The following HIVEP3 variants were observed in gnomAD, a reference collection of about 807,000 sequenced individuals.
HIVEP3 encodes HIVEP zinc finger 3.
HIVEP3 carries 49 observed loss-of-function variants against 152.8 expected under a neutral mutation model. That is an observed-to-expected ratio of 0.32 (90% CI 0.26 to 0.41). The LOEUF (loss-of-function observed/expected upper bound fraction) is 0.41, where lower values mean the gene tolerates loss of function less well. HIVEP3 is among the 10% of genes least tolerant of loss of function. The pLI, the probability that HIVEP3 is intolerant of heterozygous loss-of-function variation, is 1.00. For missense variants in HIVEP3, 2,790 were observed against 3,103.3 expected (o/e 0.90, Z 2.40); for synonymous variants, 1,269 against 1,289.0 (o/e 0.98, Z 0.33).
chr1:41,748,487 G>A (rs1263812430), intron 1 of HIVEP3, among the ~76,000 whole-genome samples: 1 of 152,164 alleles, frequency 6.6e-6, no homozygotes, highest in African/African-American at 2.4e-5. Context: ...AGCAATCAGG[G>A]GGCAGCGCTG....
At chr1:41,806,641 A>G (rs768786859) in intron 1 of HIVEP3, among the ~76,000 whole-genome samples, 1 of 152,208 alleles carries the variant, frequency 6.6e-6, no homozygotes, top group Non-Finnish European at 1.5e-5. Context: ...CCGTCCCAGC[A>G]CCATGATGAG....
In HIVEP3 at chr1:41,584,832, G is replaced by A. The variant is rs772428531; in HGVS notation, c.-35C>T. On this transcript the variant is annotated 5_prime_UTR_variant, in exon 4 of 9. Transcript: ENST00000372583. This position sits in a 1 kb window ranked among gnomAD's most constrained non-coding sequence, Gnocchi z 5.2. ...AAAGACTTCAGATGCTATTCAGGGA[G>A]AGTCAGGGCGGGCTGCATTTATGAA... 9.6e-6 allele frequency: 14 copies of A among 1,464,872 alleles called. No homozygotes were observed. The South Asian group carries it at 1.1e-4, about 11-fold the overall frequency. 90.7% of individuals were successfully genotyped at this position (1,464,872 alleles called of 1,614,324 possible).
At chr1:41,532,085 T>G (rs1569785979) in intron 5 of HIVEP3, among the ~76,000 whole-genome samples, 3 of 83,952 alleles carry the variant, frequency 3.6e-5, no homozygotes, top group African/African-American at 1.5e-4. Flanking sequence ...ACAGGAGAGA[T>G]GGAAGACGGG....
intron 1 of HIVEP3, among the ~76,000 whole-genome samples, chr1:41,979,429 G>A (rs1645282689): frequency 6.6e-6 from 1 of 152,150 alleles, no homozygotes; most frequent in Non-Finnish European, 1.5e-5. Context: ...GTTCAAAGAG[G>A]CTTAGTCACT....
At chr1:41,526,981 C>T in intron 5 of HIVEP3, among the ~76,000 whole-genome samples, 1 of 113,394 alleles carries the variant, frequency 8.8e-6, no homozygotes, top group Non-Finnish European at 1.8e-5. Flanking sequence ...CTCACCTTCA[C>T]ACTCCACACC....
intron 1 of HIVEP3, among the ~76,000 whole-genome samples, chr1:41,763,605 T>C (rs1057404816): frequency 1.3e-5 from 2 of 152,354 alleles, no homozygotes; most frequent in Admixed American, 6.5e-5. Context: ...GGCTACTATT[T>C]CTACTTATCA....
intron 1 of HIVEP3, among the ~76,000 whole-genome samples, chr1:41,849,898 C>T (rs866829205): frequency 1.6e-4 from 24 of 152,194 alleles, no homozygotes; most frequent in Middle Eastern, 3.4e-3. Context: ...ACCATGTTGG[C>T]CAGGCTGGTC....
chr1:41,554,389 A>C (rs539219708), intron 5 of HIVEP3, among the ~76,000 whole-genome samples: 1 of 152,328 alleles, frequency 6.6e-6, no homozygotes, highest in South Asian at 2.1e-4. Flanking sequence ...CCATTCGTCT[A>C]ATCTTTTTTC....
At chr1:42,025,579 C>T (rs1645577325) in intron 1 of HIVEP3, among the ~76,000 whole-genome samples, 1 of 152,198 alleles carries the variant, frequency 6.6e-6, no homozygotes, top group African/African-American at 2.4e-5. Flanking sequence ...TTTGTTATTT[C>T]TGACTGTACT....
intron 1 of HIVEP3, among the ~76,000 whole-genome samples, chr1:41,973,757 A>G (rs1207890150): frequency 1.3e-5 from 2 of 152,216 alleles, no homozygotes; most frequent in Non-Finnish European, 2.9e-5. Flanking sequence ...AGGAAACAGC[A>G]TAGGAGCCAG....
intron 1 of HIVEP3, among the ~76,000 whole-genome samples, chr1:41,712,092 A>G (rs1646522130): frequency 6.6e-6 from 1 of 152,188 alleles, no homozygotes; most frequent in African/African-American, 2.4e-5. Context: ...AGGTCCGGGG[A>G]GGAGAGCACT....
chr1:41,761,377 C>G (rs1029376719), intron 1 of HIVEP3, among the ~76,000 whole-genome samples: 10 of 151,562 alleles, frequency 6.6e-5, no homozygotes, highest in African/African-American at 2.4e-4. Context: ...TGTGTGTGTG[C>G]ATGTGTGAGT....
chr1:41,737,148 C>T (rs191172919), intron 1 of HIVEP3, among the ~76,000 whole-genome samples: 1 of 152,290 alleles, frequency 6.6e-6, no homozygotes, highest in African/African-American at 2.4e-5. Context: ...ATCTAATTGG[C>T]CAGGGTTTGA....
rs570988631 is a variant in HIVEP3, at chr1:41,950,178, G to A, written n.120-31654C>T. Among the ~76,000 whole-genome samples, 13 of 152,246 alleles carry A rather than the reference G, an allele frequency of 8.5e-5. No homozygotes were observed. The South Asian group carries it at 2.3e-3, about 27-fold the overall frequency. On this transcript the variant is annotated intron_variant and non_coding_transcript_variant, in intron 1 of 3. Coordinates refer to the HIVEP3 transcript ENST00000489103. ...AGGTAAAGAAAGCTAGTCATCTATCGTCTGAGAGCATAATGGAAGGGACAA... is the reference window on the plus strand; with the variant it reads ...AGGTAAAGAAAGCTAGTCATCTATCATCTGAGAGCATAATGGAAGGGACAA...
intron 1 of HIVEP3, among the ~76,000 whole-genome samples, chr1:42,008,092 T>C (rs1450879742): frequency 6.6e-6 from 1 of 152,136 alleles, no homozygotes; most frequent in Non-Finnish European, 1.5e-5. Flanking sequence ...CCATGCTTTG[T>C]TTTTAAATTG....
chr1:41,996,853 T>C (rs112044744), intron 1 of HIVEP3, among the ~76,000 whole-genome samples: 1,902 of 152,282 alleles, frequency 0.012, 36 homozygotes, highest in African/African-American at 0.044. Context: ...TGTTCCCTTG[T>C]CTTTTCCAGC....
At chr1:41,802,327 C>T (rs1436340942) in intron 1 of HIVEP3, among the ~76,000 whole-genome samples, 1 of 151,958 alleles carries the variant, frequency 6.6e-6, no homozygotes, top group Non-Finnish European at 1.5e-5. Flanking sequence ...GAGATCCTCC[C>T]GACTCAGCCT....
chr1:41,749,041 A>C (rs1449089526), intron 1 of HIVEP3, among the ~76,000 whole-genome samples: 2 of 152,052 alleles, frequency 1.3e-5, no homozygotes, highest in Admixed American at 6.5e-5. Context: ...GTCAATATAC[A>C]CTTGTCTCTC....
intron 1 of HIVEP3, among the ~76,000 whole-genome samples, chr1:41,806,247 C>A (rs978449569): frequency 9.9e-5 from 15 of 152,244 alleles, no homozygotes; most frequent in Admixed American, 9.8e-4. Flanking sequence ...ATCATCCCCT[C>A]TCTTCCTGTT....
Sources: allele counts gnomAD v4.1 joint callset (sites outside exome capture counted in the v4.1 genomes callset), GRCh38; gene constraint gnomAD v4.1.1; non-coding constraint Gnocchi (gnomAD v3.1); transcripts MANE v1.5; gene names NCBI Gene and HGNC (gene_info 2026-07-23, HGNC 2026-07-21).